Variants in TMTC2 observed in about 807,000 individuals in gnomAD.
The protein encoded by TMTC2 is transmembrane O-mannosyltransferase targeting cadherins 2.
TMTC2 carries 43 observed loss-of-function variants against 82.4 expected under a neutral mutation model. The ratio of observed to expected loss-of-function variants is 0.52; its 90% confidence interval spans 0.41 to 0.67. The LOEUF is 0.67. Ranked by LOEUF, TMTC2 falls within the 30% of genes least tolerant of loss-of-function variation. TMTC2 has a pLI of 0.00. For synonymous variants in TMTC2, 408 were observed against 381.9 expected (o/e 1.07, Z -0.80); for missense variants, 919 against 1,012.4 (o/e 0.91, Z 1.25).
intron 1 of TMTC2, among the ~76,000 whole-genome samples, chr12:82,844,775 C>G (rs1173708309): frequency 6.6e-6 from 1 of 150,894 alleles, no homozygotes; most frequent in Non-Finnish European, 1.5e-5. Flanking sequence ...GCACTCCAGC[C>G]TGGGCGATAG....
intron 1 of TMTC2, among the ~76,000 whole-genome samples, chr12:82,743,896 G>C (rs1875543976): frequency 6.6e-6 from 1 of 151,940 alleles, no homozygotes; most frequent in Non-Finnish European, 1.5e-5. Context: ...GTTTCTCATT[G>C]TTTTCTATAG....
At chr12:82,954,250 G>T (rs1877497697) in intron 4 of TMTC2, among the ~76,000 whole-genome samples, 1 of 152,068 alleles carries the variant, frequency 6.6e-6, no homozygotes, top group Non-Finnish European at 1.5e-5. Flanking sequence ...GAATGCTCTT[G>T]TCGGCATTCC....
In TMTC2 at chr12:82,847,122, G is replaced by A. The variant is rs549883475; in HGVS notation, c.84-9888G>A. ...TTTCTCTCATTCTCTTACCCTATTA[G>A]CCAAGTATTTGCATATTAACTGGAG... On this transcript the variant is annotated intron_variant, in intron 1 of 11. Transcript: ENST00000321196. 2.0e-5 allele frequency among the ~76,000 whole-genome samples: 3 copies of A among 152,184 alleles called. No individual in the cohort carries two copies. In the South Asian group the frequency reaches 6.2e-4, roughly 32 times the overall value.
intron 9 of TMTC2, among the ~76,000 whole-genome samples, chr12:83,050,547 A>T (rs990992855): frequency 6.6e-6 from 1 of 152,182 alleles, no homozygotes; most frequent in Admixed American, 6.6e-5. Context: ...ATTCATCAAT[A>T]TGAATATACC....
intron 1 of TMTC2, among the ~76,000 whole-genome samples, chr12:82,691,829 C>G (rs971626083): frequency 2.0e-5 from 3 of 152,112 alleles, no homozygotes; most frequent in Non-Finnish European, 2.9e-5. Context: ...GAGAAGCTCT[C>G]TTTGTATCAG....
At chr12:83,047,487 A>T (rs1161118865) in intron 9 of TMTC2, among the ~76,000 whole-genome samples, 1 of 152,240 alleles carries the variant, frequency 6.6e-6, no homozygotes, top group East Asian at 1.9e-4. Flanking sequence ...AATTCAGTTT[A>T]AAAAATACCA....
intron 11 of TMTC2, among the ~76,000 whole-genome samples, chr12:83,120,578 C>T (rs115283960): frequency 0.015 from 2,329 of 152,278 alleles, 67 homozygotes; most frequent in African/African-American, 0.054. Flanking sequence ...TCTCACAACT[C>T]TTAAGATTCT....
chr12:82,849,324 G>T lies in TMTC2; in HGVS notation c.84-7686G>T, dbSNP rs146433360. Among the ~76,000 whole-genome samples the T allele has an allele frequency of 1.4e-3, 209 of 152,126 alleles. 3 individuals carry two copies. The highest frequency in any genetic ancestry group is 4.9e-3 in the African/African-American group (202 of 41,458). Reference sequence around the variant, plus strand: ...GTGACCTATAGCCTAATGAAGGAAAGAGAAAAAATGATCAGGCAGTTTTAA... The same window carrying T: ...GTGACCTATAGCCTAATGAAGGAAATAGAAAAAATGATCAGGCAGTTTTAA... On this transcript the variant is annotated intron_variant, in intron 1 of 11. Transcript: ENST00000321196.
At chr12:83,082,020 T>C (rs12372588) in intron 11 of TMTC2, among the ~76,000 whole-genome samples, 58,850 of 152,062 alleles carry the variant, frequency 0.39, 11,425 homozygotes, top group Middle Eastern at 0.43. Flanking sequence ...ATTTTATTAT[T>C]AGAGTATTAT....
chr12:82,947,379 G>A (rs1175062545), intron 4 of TMTC2, among the ~76,000 whole-genome samples: 2 of 123,964 alleles, frequency 1.6e-5, no homozygotes, highest in African/African-American at 6.2e-5. Context: ...TCTCGCTCTT[G>A]TCGCCCAGGC....
intron 11 of TMTC2, among the ~76,000 whole-genome samples, chr12:83,072,890 A>G (rs932963641): frequency 6.6e-6 from 1 of 151,964 alleles, no homozygotes; most frequent in Non-Finnish European, 1.5e-5. Flanking sequence ...GTGAGTCCTT[A>G]TATGTTAAGT....
chr12:82,812,280 A>G lies in TMTC2; in HGVS notation c.84-44730A>G, dbSNP rs554517026. On this transcript the variant is annotated intron_variant, in intron 1 of 11. Coordinates refer to ENST00000321196, the MANE Select transcript of TMTC2 (RefSeq NM_152588.3). ...TGTAATTTCAACTGCATGTAATTTC[A>G]ACTGTTTCTTTCTGTAATAGTGGTT... is the stretch of plus-strand genomic sequence containing the variant. Among the ~76,000 whole-genome samples, 53 of 152,238 alleles carry G rather than the reference A, an allele frequency of 3.5e-4. 1 individual carries two copies. Among genetic ancestry groups the G allele is most frequent in the Non-Finnish European group, 6.9e-4 (47 of 68,004 alleles).
chr12:82,768,799 G>A (rs1877126738), intron 1 of TMTC2, among the ~76,000 whole-genome samples: 1 of 151,964 alleles, frequency 6.6e-6, no homozygotes, highest in South Asian at 2.1e-4. Flanking sequence ...AGTTAAGGCA[G>A]AACCAAGTGA....
At chr12:82,727,107 G>GAAA (rs552949059) in intron 1 of TMTC2, among the ~76,000 whole-genome samples, 1 of 139,310 alleles carries the variant, frequency 7.2e-6, no homozygotes. Context: ...AAAACTAATT[G>GAAA]AAAAAAAAAA....
intron 1 of TMTC2, among the ~76,000 whole-genome samples, chr12:82,712,980 G>C (rs1225323519): frequency 1.3e-5 from 2 of 152,166 alleles, no homozygotes; most frequent in African/African-American, 2.4e-5. Context: ...AGGGACTAAA[G>C]AGGTTGACTC....
In TMTC2 at chr12:82,852,352, C is replaced by T. The variant is rs1249972989; in HGVS notation, c.84-4658C>T. ...TCGATCTCCTGACCTCGTGATCCATCGTCCTCGGCCTCCCAAAGTGCTGTG... is the reference window on the plus strand; with the variant it reads ...TCGATCTCCTGACCTCGTGATCCATTGTCCTCGGCCTCCCAAAGTGCTGTG... On this transcript the variant is annotated intron_variant, in intron 1 of 11. Coordinates refer to ENST00000321196, the MANE Select transcript of TMTC2 (RefSeq NM_152588.3). Among the ~76,000 whole-genome samples, 4 of 152,206 alleles carry T rather than the reference C, an allele frequency of 2.6e-5. No individual in the cohort carries two copies. The East Asian group carries it at 5.8e-4, about 22-fold the overall frequency.
intron 9 of TMTC2, among the ~76,000 whole-genome samples, chr12:83,036,880 A>G (rs2137433054): frequency 6.6e-6 from 1 of 152,304 alleles, no homozygotes; most frequent in African/African-American, 2.4e-5. Flanking sequence ...AACAAGAGAC[A>G]TAAGAAGAGA....
chr12:82,694,152 G>A (rs888315729), intron 1 of TMTC2, among the ~76,000 whole-genome samples: 1 of 151,892 alleles, frequency 6.6e-6, no homozygotes, highest in African/African-American at 2.4e-5. Flanking sequence ...TGAAATGATT[G>A]TTTTCAAGAT....
chr12:82,806,446 T>G (rs1489492417), intron 1 of TMTC2, among the ~76,000 whole-genome samples: 1 of 152,160 alleles, frequency 6.6e-6, no homozygotes, highest in Non-Finnish European at 1.5e-5. Flanking sequence ...GTATTTGGCA[T>G]TTTTGTTTAT....
Sources: allele counts gnomAD v4.1 joint callset (sites outside exome capture counted in the v4.1 genomes callset), GRCh38; gene constraint gnomAD v4.1.1; transcripts MANE v1.5; gene names NCBI Gene and HGNC (gene_info 2026-07-23, HGNC 2026-07-21).